Variants in PFAS observed in about 807,000 individuals in gnomAD.
The protein encoded by PFAS is FGAM synthase.
A neutral mutation model predicts 140.6 loss-of-function variants in PFAS; 97 were observed. The observed-to-expected ratio is 0.69, with a 90% CI of 0.59 to 0.82. The LOEUF is 0.82. PFAS is among the 40% of genes least tolerant of loss of function. PFAS has a pLI of 0.00. For synonymous variants in PFAS, 679 were observed against 718.8 expected, an observed-to-expected ratio of 0.94 and a Z score of 0.88; for missense variants, 1,656 against 1,780.2, an observed-to-expected ratio of 0.93 and a Z score of 1.26.
In PFAS at chr17:8,251,668, C is replaced by CT. The variant is rs71159571; in HGVS notation, c.-79-2170dup. ...GAATTCAGGATCTGCTTAAGCAATT[C>CT]TTTTTTTTTTTTTTTTTTTTTGAGT... On this transcript the variant is annotated intron_variant, in intron 1 of 27. Coordinates refer to ENST00000314666, the MANE Select transcript of PFAS (RefSeq NM_012393.3). Among the ~76,000 whole-genome samples, 428 of 84,320 alleles carry CT rather than the reference C, an allele frequency of 5.1e-3. 6 individuals carry two copies. Among genetic ancestry groups the CT allele is most frequent in the South Asian group, 0.018 (43 of 2,378 alleles). 55.3% of individuals were successfully genotyped at this position (84,320 alleles called of 152,430 possible). A position where few individuals can be genotyped will look rare whatever the true frequency, so the allele number is the denominator to read the frequency against.
In PFAS at chr17:8,267,533, C is replaced by T. The variant is rs777221619; in HGVS notation, c.3268-18C>T. On this transcript the variant is annotated intron_variant, in intron 25 of 27. Transcript: ENST00000314666. This position sits in a 1 kb window ranked among gnomAD's most constrained non-coding sequence, Gnocchi z 4.9. Reference sequence around the variant, plus strand: ...CTGCGTGTCCTCCCACCCACACTCCCCCTCCCCACCTTCGCAGGTATGGGA... The same window carrying T: ...CTGCGTGTCCTCCCACCCACACTCCTCCTCCCCACCTTCGCAGGTATGGGA... 3 of 1,588,938 alleles carry T rather than the reference C, an allele frequency of 1.9e-6. No individual in the cohort carries two copies. In the South Asian group the frequency reaches 3.3e-5, roughly 18 times the overall value.
chr17:8,257,111 A>G (rs949861992), intron 9 of PFAS, 148 bp downstream of exon 9: 3 of 861,078 alleles, frequency 3.5e-6, no homozygotes, highest in African/African-American at 1.7e-5. Context: ...TTCACTAACT[A>G]TGGTCATAAG....
At position 8,262,917 on chromosome 17, in the gene PFAS, C is replaced by G; in HGVS notation, c.1337-3C>G. On this transcript the variant is annotated splice_polypyrimidine_tract_variant and splice_region_variant and intron_variant, in intron 11 of 27. Coordinates refer to ENST00000314666, the MANE Select transcript of PFAS (RefSeq NM_012393.3). Reference sequence around the variant, plus strand: ...GTTCTGATTCTGCCTTCCCTTCTTACAGGCATGGAAGTTGTAAAGGTTGGA... The same window carrying G: ...GTTCTGATTCTGCCTTCCCTTCTTAGAGGCATGGAAGTTGTAAAGGTTGGA... 1 of 1,612,878 alleles carries G rather than the reference C, an allele frequency of 6.2e-7. No homozygotes were observed.
chr17:8,268,849 C>G lies in PFAS; in HGVS notation c.3699C>G (p.His1233Gln). The G allele has an allele frequency of 6.2e-7, 1 of 1,609,138 alleles. No homozygotes were observed. Among genetic ancestry groups the G allele is most frequent in the Non-Finnish European group, 8.5e-7 (1 of 1,179,884 alleles). The change falls in exon 27 of 28, where the codon CAC becomes CAG. Residue 1233 changes from histidine to glutamine, a missense_variant. Coordinates refer to ENST00000314666, the MANE Select transcript of PFAS (RefSeq NM_012393.3). Reference protein sequence around the residue: ...EGAVLPVWSAHGEGYVAFSSP... With the variant: ...EGAVLPVWSAQGEGYVAFSSP... ...CCGTGCTGCCCGTGTGGAGTGCGCA[C>G]GGGGAAGGTCAGGCCCAAGGAAGGC...
Position 8,267,085 on chromosome 17 carries a change from GC to G in PFAS, c.3028del (p.Leu1010SerfsTer26). 1 of 1,614,036 alleles carries G rather than the reference GC, an allele frequency of 6.2e-7. No individual in the cohort carries two copies. Among genetic ancestry groups the G allele is most frequent in the Non-Finnish European group, 8.5e-7 (1 of 1,179,990 alleles). ...VLEEPVGELR[A>X]LWEETSFQLD... is the part of the protein sequence containing the mutation. Reference sequence around the variant, plus strand: ...GGAGGAGCCTGTTGGGGAGCTGCGAGCCCTCTGGGAGGAGACGAGTTTCCAG... The same window carrying G: ...GGAGGAGCCTGTTGGGGAGCTGCGAGCCTCTGGGAGGAGACGAGTTTCCAG... On this transcript the variant is annotated frameshift_variant, in exon 24 of 28. Coordinates refer to ENST00000314666, the MANE Select transcript of PFAS (RefSeq NM_012393.3). LOFTEE classifies it high-confidence loss of function. This position sits in a 1 kb window ranked among gnomAD's most constrained non-coding sequence, Gnocchi z 4.9.
At chr17:8,254,971 C>T in intron 3 of PFAS, 56 bp from the exon 4 acceptor site, 1 of 1,262,934 alleles carries the variant, frequency 7.9e-7, no homozygotes, top group Non-Finnish European at 1.2e-6. Context: ...GATCCACCCT[C>T]CCAGCTGAGG....
chr17:8,256,821 C>T lies in PFAS; in HGVS notation c.947-14C>T. Reference sequence around the variant, plus strand: ...TCTGAGGCACCCAGACCTCTCCCCACTCTCTCTTTGCAGGAGTATGCCCCT... The same window carrying T: ...TCTGAGGCACCCAGACCTCTCCCCATTCTCTCTTTGCAGGAGTATGCCCCT... On this transcript the variant is annotated splice_polypyrimidine_tract_variant and intron_variant, in intron 8 of 27. Transcript: ENST00000314666. The T allele has an allele frequency of 6.3e-7, 1 of 1,586,756 alleles. No homozygotes were observed. Among genetic ancestry groups the T allele is most frequent in the East Asian group, 2.2e-5 (1 of 44,752 alleles).
chr17:8,267,933 TG>T lies in PFAS; in HGVS notation c.3382+269del, dbSNP rs1989888900. On this transcript the variant is annotated intron_variant, in intron 26 of 27. Coordinates refer to ENST00000314666, the MANE Select transcript of PFAS (RefSeq NM_012393.3). This position sits in a 1 kb window ranked among gnomAD's most constrained non-coding sequence, Gnocchi z 4.9. ...ATATATTATTTATATATTATTAAAA[TG>T]TATATTATTTATATATTATTAAAAT... Among the ~76,000 whole-genome samples the T allele has an allele frequency of 6.9e-6, 1 of 145,308 alleles. No individual in the cohort carries two copies. Among genetic ancestry groups the T allele is most frequent in the Admixed American group, 7.0e-5 (1 of 14,308 alleles).
intron 1 of PFAS, among the ~76,000 whole-genome samples, chr17:8,252,503 G>C (rs1354420443): frequency 1.3e-5 from 2 of 149,630 alleles, no homozygotes; most frequent in South Asian, 4.3e-4. Context: ...TCCCGGGTTC[G>C]AGTGATTCTC....
intron 9 of PFAS, 56 bp downstream of exon 9, chr17:8,257,019 G>A (rs1053157029): frequency 5.7e-6 from 9 of 1,591,072 alleles, no homozygotes; most frequent in Admixed American, 1.7e-5. Flanking sequence ...GTCCTGGCAG[G>A]CAGCAAACTT....
Position 8,267,608 on chromosome 17 carries a change from C to A in PFAS, c.3325C>A (p.Arg1109Ser), listed in dbSNP as rs201217138. ...CSGAIGLDTFRGVAFVGGFSY... is the reference protein window; with the variant it reads ...CSGAIGLDTFSGVAFVGGFSY... ...TGGGGCAATTGGGCTGGACACTTTC[C>A]GTGGCGTGGCCTTCGTGGGCGGCTT... The change falls in exon 26 of 28, where the codon CGT (arginine) becomes AGT (serine). Residue 1109 changes from arginine (R) to serine (S), a missense_variant. Transcript: ENST00000314666. The surrounding 1 kb of genome is among the most constrained non-coding windows in gnomAD (Gnocchi z 4.9). The A allele has an allele frequency of 6.2e-7, 1 of 1,613,436 alleles. No individual in the cohort carries two copies. Among genetic ancestry groups the A allele is most frequent in the African/African-American group, 1.3e-5 (1 of 75,016 alleles).
At position 8,268,857 on chromosome 17, in the gene PFAS, G is replaced by A. The variant is rs1989931250; in HGVS notation, c.3706+1G>A. 1 of 1,609,966 alleles carries A rather than the reference G, an allele frequency of 6.2e-7. No individual in the cohort carries two copies. Among genetic ancestry groups the A allele is most frequent in the African/African-American group, 1.3e-5 (1 of 74,912 alleles). On this transcript the variant is annotated splice_donor_variant, in intron 27 of 27. Transcript: ENST00000314666. LOFTEE classifies it high-confidence loss of function. ...CCCGTGTGGAGTGCGCACGGGGAAG[G>A]TCAGGCCCAAGGAAGGCTGGGGGAG...
At chr17:8,247,818 C>T (rs1988886739), upstream of PFAS, 5 of 623,804 alleles carry the variant, frequency 8.0e-6, no homozygotes, top group Non-Finnish European at 5.8e-6. Flanking sequence ...GCGGGCGCCG[C>T]GTGAATGAGG....
Position 8,270,317 on chromosome 17 carries a change from C to T in PFAS, c.*1053C>T, listed in dbSNP as rs1989970780. 6.6e-6 allele frequency: 1 copy of T among 152,148 alleles called. No individual in the cohort carries two copies. The highest frequency in any genetic ancestry group is 2.1e-4 in the South Asian group (1 of 4,838). 9.4% of individuals were successfully genotyped at this position (152,148 alleles called of 1,614,324 possible). On this transcript the variant is annotated 3_prime_UTR_variant, in exon 28 of 28. Coordinates refer to ENST00000314666, the MANE Select transcript of PFAS (RefSeq NM_012393.3). ...TATTGCAAAGCACTGTCACCGGCCTCAGGGAGTTTATGTGTAATAGAATTA... is the reference window on the plus strand; with the variant it reads ...TATTGCAAAGCACTGTCACCGGCCTTAGGGAGTTTATGTGTAATAGAATTA...
chr17:8,266,699 C>T lies in PFAS; in HGVS notation c.2822-54C>T, dbSNP rs2151595837. On this transcript the variant is annotated intron_variant, in intron 22 of 27. Coordinates refer to ENST00000314666, the MANE Select transcript of PFAS (RefSeq NM_012393.3). The surrounding 1 kb of genome is among the most constrained non-coding windows in gnomAD (Gnocchi z 5.0). ...CTTCCTGCATTTCCCTGATCCCGCC[C>T]CAACTCCCTTGGCCCTTCTTGCATC... 1 of 1,551,266 alleles carries T rather than the reference C, an allele frequency of 6.4e-7. No homozygotes were observed. Among genetic ancestry groups the T allele is most frequent in the Non-Finnish European group, 8.7e-7 (1 of 1,151,358 alleles).
chr17:8,269,871 A>C lies in PFAS; in HGVS notation c.*607A>C, dbSNP rs1453220039. 2 of 148,624 alleles carry C rather than the reference A, an allele frequency of 1.3e-5. No individual in the cohort carries two copies. Among genetic ancestry groups the C allele is most frequent in the Non-Finnish European group, 3.0e-5 (2 of 67,570 alleles). 9.2% of individuals were successfully genotyped at this position (148,624 alleles called of 1,614,324 possible). On this transcript the variant is annotated 3_prime_UTR_variant, in exon 28 of 28. Coordinates refer to ENST00000314666, the MANE Select transcript of PFAS (RefSeq NM_012393.3). The stretch of plus-strand genomic sequence containing the variant: ...CATTCCTGTTATTTGCTTCTAAATT[A>C]GCAGCTCTCTTTTTTTTTTTTTTTT...
chr17:8,264,948 G>A lies in PFAS; in HGVS notation c.2103G>A (p.Leu701=), dbSNP rs1597427802. The change falls in exon 18 of 28, where the codon CTG becomes CTA. Residue 701 remains leucine (L), a synonymous_variant. Transcript: ENST00000314666. The part of the protein sequence containing the change: ...LVAQQQCVGP[L]QTPLADVAVV... The stretch of plus-strand genomic sequence containing the variant: ...CCCAGCAGCAGTGCGTGGGGCCCCT[G>A]CAAACTCCTCTGGCAGATGTAGCGG... 1 of 1,609,742 alleles carries A rather than the reference G, an allele frequency of 6.2e-7. No homozygotes were observed. The highest frequency in any genetic ancestry group is 8.5e-7 in the Non-Finnish European group (1 of 1,177,436).
chr17:8,267,601 C>T lies in PFAS; in HGVS notation c.3318C>T (p.Asp1106=), dbSNP rs748851739. The T allele has an allele frequency of 1.2e-6, 2 of 1,613,562 alleles. No individual in the cohort carries two copies. The highest frequency in any genetic ancestry group is 1.7e-6 in the Non-Finnish European group (2 of 1,179,530). Residue 1106 remains aspartate (D), a synonymous_variant, in exon 26 of 28, where the codon GAC becomes GAT. Transcript: ENST00000314666. The surrounding 1 kb of genome is among the most constrained non-coding windows in gnomAD (Gnocchi z 4.9). ...TCTGCTCTGGGGCAATTGGGCTGGA[C>T]ACTTTCCGTGGCGTGGCCTTCGTGG... ...QDLCSGAIGL[D]TFRGVAFVGG...
At chr17:8,259,174 G>A (rs1989494225) in intron 11 of PFAS, among the ~76,000 whole-genome samples, 1 of 150,294 alleles carries the variant, frequency 6.7e-6, no homozygotes, top group Non-Finnish European at 1.5e-5. Context: ...TGAAGCTACT[G>A]TCAATGTAAC....
Sources: gnomAD v4.1 joint callset for allele counts (sites outside exome capture counted in the v4.1 genomes callset) on GRCh38, gnomAD v4.1.1 for gene constraint, Gnocchi (gnomAD v3.1) non-coding constraint, MANE v1.5 for transcripts, NCBI Gene and HGNC (gene_info 2026-07-23, HGNC 2026-07-21) for gene names.